JMY: variants seen among roughly 807,000 people sequenced by gnomAD.
The protein encoded by JMY is junction-mediating and -regulatory protein.
A neutral mutation model predicts 103.3 loss-of-function variants in JMY; 46 were observed. The ratio of observed to expected loss-of-function variants is 0.45; its 90% CI spans 0.35 to 0.57. The LOEUF is 0.57. Ranked by LOEUF, JMY falls within the 20% of genes least tolerant of loss-of-function variation. JMY has a pLI of 0.00. For synonymous variants in JMY, 526 were observed against 489.3 expected, an observed-to-expected ratio of 1.07 and a Z score of -0.99; for missense variants, 1,238 against 1,255.2, an observed-to-expected ratio of 0.99 and a Z score of 0.21.
At chr5:79,256,462 A>T (rs1004596288) in intron 1 of JMY, among the ~76,000 whole-genome samples, 2 of 152,092 alleles carry the variant, frequency 1.3e-5, no homozygotes, top group Admixed American at 1.3e-4. Flanking sequence ...TGGTGCCAGG[A>T]ATCAAGCAGA....
Position 79,314,631 on chromosome 5 carries a change from T to TCCCCCCCCCCCCCC in JMY, c.2444_2445insCCCCCCCCCCCCCC (p.Pro820HisfsTer73). ...CCCCTCTTCCTCCAACACCACCACC[T>TCCCCCCCCCCCCCC]CCCCCACCTCCTCCCCCTCCCCCAC... On this transcript the variant is annotated frameshift_variant, in exon 9 of 11. Coordinates refer to ENST00000396137, the MANE Select transcript of JMY (RefSeq NM_152405.5). LOFTEE classifies it high-confidence loss of function. 7 of 978,598 alleles carry TCCCCCCCCCCCCCC rather than the reference T, an allele frequency of 7.2e-6. No homozygotes were observed. The highest frequency in any genetic ancestry group is 2.6e-5 in the South Asian group (2 of 77,374). 60.6% of individuals were successfully genotyped at this position (978,598 alleles called of 1,614,324 possible).
chr5:79,300,839 G>A lies in JMY; in HGVS notation c.1857G>A (p.Lys619=). 6.3e-7 allele frequency: 1 copy of A among 1,590,968 alleles called. No homozygotes were observed. The highest frequency in any genetic ancestry group is 2.3e-5 in the East Asian group (1 of 44,272). ...LEARRGRVSA[K]KSYLRNKKEI... ...CAAGACGTGGACGGGTTTCTGCCAA[G>A]AAATCCTACCTCAGAAATAAAAAGG... Residue 619 remains lysine, a synonymous_variant, in exon 6 of 11, where the codon AAG becomes AAA. Coordinates refer to ENST00000396137, the MANE Select transcript of JMY (RefSeq NM_152405.5).
chr5:79,254,991 T>C (rs561047139), intron 1 of JMY, among the ~76,000 whole-genome samples: 30 of 152,058 alleles, frequency 2.0e-4, no homozygotes, highest in African/African-American at 7.0e-4. Context: ...TGCTTGGTTC[T>C]TTTATTTCAA....
chr5:79,236,550 G>A lies in JMY; in HGVS notation c.-101G>A, dbSNP rs1294887590. 1.0e-6 allele frequency: 1 copy of A among 981,300 alleles called. No homozygotes were observed. The highest frequency in any genetic ancestry group is 1.4e-6 in the Non-Finnish European group (1 of 740,576). The allele number at this position is 981,300 out of a possible 1,614,324, so 60.8% of individuals were successfully genotyped here. A position where few individuals can be genotyped will look rare whatever the true frequency, so the allele number is the denominator to read the frequency against. On this transcript the variant is annotated 5_prime_UTR_variant, in exon 1 of 11. Transcript: ENST00000396137. ...GGCCGGCGCACTAAGATGGCTGAAG[G>A]CGCCCGGCGAGGGTGAGCGGGGGGC...
intron 3 of JMY, 79 bp downstream of exon 3, chr5:79,290,350 TAGAA>T (rs1295555076): frequency 1.0e-6 from 1 of 990,054 alleles, no homozygotes; most frequent in Non-Finnish European, 1.4e-6. Context: ...AAAAATTACA[TAGAA>T]AAGTATATAA....
At chr5:79,307,621 T>C (rs1746925591) in intron 7 of JMY, among the ~76,000 whole-genome samples, 1 of 152,084 alleles carries the variant, frequency 6.6e-6, no homozygotes, top group Non-Finnish European at 1.5e-5. Context: ...GTTGTTTTAA[T>C]TTGCAAATCT....
At chr5:79,241,592 C>T (rs1398797114) in intron 1 of JMY, among the ~76,000 whole-genome samples, 1 of 152,044 alleles carries the variant, frequency 6.6e-6, no homozygotes, top group Non-Finnish European at 1.5e-5. Context: ...TTTAATGGGG[C>T]GTCCTGCCGA....
intron 2 of JMY, 87 bp downstream of exon 2, chr5:79,278,170 TAAAAAAA>T: frequency 1.5e-6 from 1 of 651,992 alleles, no homozygotes; most frequent in East Asian, 3.1e-5. Context: ...AGAGGAACTT[TAAAAAAA>T]AAAAAAAAAA....
At chr5:79,281,084 G>C (rs893405359) in intron 2 of JMY, among the ~76,000 whole-genome samples, 1 of 151,228 alleles carries the variant, frequency 6.6e-6, no homozygotes, top group South Asian at 2.1e-4. Flanking sequence ...TCGCTCTGTT[G>C]CCCAGGCTGG....
chr5:79,315,872 A>G lies in JMY; in HGVS notation c.2660-128A>G, dbSNP rs1227474200. On this transcript the variant is annotated intron_variant, in intron 9 of 10. Coordinates refer to ENST00000396137, the MANE Select transcript of JMY (RefSeq NM_152405.5). ...TCTGATCACCTTCTGCACACATTTC[A>G]TGATCCATTTTGAAGATGGTGTTTC... 51 of 775,440 alleles carry G rather than the reference A, an allele frequency of 6.6e-5. No homozygotes were observed. In the East Asian group the frequency reaches 1.1e-3, roughly 17 times the overall value. The allele number at this position is 775,440 out of a possible 1,614,324, so 48.0% of individuals were successfully genotyped here.
rs992782587 is a variant in JMY, at chr5:79,326,296, T to C, written c.*4694T>C. 3.3e-5 allele frequency: 5 copies of C among 151,458 alleles called. No individual in the cohort carries two copies. Among genetic ancestry groups the C allele is most frequent in the African/African-American group, 1.2e-4 (5 of 41,192 alleles). 9.4% of individuals were successfully genotyped at this position (151,458 alleles called of 1,614,324 possible). A position where few individuals can be genotyped will look rare whatever the true frequency, so the allele number is the denominator to read the frequency against. ...GTGATGTGTAGATGAAAACACAAGGTATGGATGTTGGTTACAGAGTTCAGT... is the reference window on the plus strand; with the variant it reads ...GTGATGTGTAGATGAAAACACAAGGCATGGATGTTGGTTACAGAGTTCAGT... On this transcript the variant is annotated 3_prime_UTR_variant, in exon 11 of 11. Coordinates refer to ENST00000396137, the MANE Select transcript of JMY (RefSeq NM_152405.5).
In JMY at chr5:79,237,026, C is replaced by A; in HGVS notation, c.376C>A (p.Pro126Thr). 1 of 1,501,552 alleles carries A rather than the reference C, an allele frequency of 6.7e-7. No homozygotes were observed. Among genetic ancestry groups the A allele is most frequent in the Non-Finnish European group, 8.9e-7 (1 of 1,123,456 alleles). The allele number at this position is 1,501,552 out of a possible 1,614,324, so 93.0% of individuals were successfully genotyped here. A position where few individuals can be genotyped will look rare whatever the true frequency, so the allele number is the denominator to read the frequency against. The change falls in exon 1 of 11, where the codon CCG (proline) becomes ACG (threonine). Residue 126 changes from proline to threonine, a missense_variant. Physicochemically the swap from Pro to Thr is conservative, Grantham distance 38. Coordinates refer to ENST00000396137, the MANE Select transcript of JMY (RefSeq NM_152405.5). ...GAGCACTCGCAGCCTTCTGGGGGAC[C>A]CGCGGCTGCGGAGTCCTGGCAGCAA... ...PRSTRSLLGD[P>T]RLRSPGSKGA...
intron 4 of JMY, among the ~76,000 whole-genome samples, chr5:79,293,557 C>T (rs1001689979): frequency 2.6e-5 from 4 of 152,070 alleles, no homozygotes; most frequent in African/African-American, 4.8e-5. Context: ...CTGCGTCTGG[C>T]GCTGAGTCTT....
rs1747463478 is a variant in JMY at position 79,321,878 on chromosome 5, T to A, written c.*276T>A. On this transcript the variant is annotated 3_prime_UTR_variant, in exon 11 of 11. Transcript: ENST00000396137. ...GTTTTTTAAGCACATTCTCCTTCCATCCACATATTTACATCCTTGTAATGG... is the reference window on the plus strand; with the variant it reads ...GTTTTTTAAGCACATTCTCCTTCCAACCACATATTTACATCCTTGTAATGG... The A allele has an allele frequency of 6.6e-6, 1 of 152,220 alleles. No individual in the cohort carries two copies. Among genetic ancestry groups the A allele is most frequent in the Admixed American group, 6.5e-5 (1 of 15,276 alleles). 9.4% of individuals were successfully genotyped at this position (152,220 alleles called of 1,614,324 possible).
intron 1 of JMY, among the ~76,000 whole-genome samples, chr5:79,251,625 A>AT (rs796459953): frequency 4.6e-3 from 629 of 137,768 alleles, no homozygotes; most frequent in South Asian, 0.026. Context: ...CATTCATTCT[A>AT]TTTTTTTTTT....
intron 1 of JMY, among the ~76,000 whole-genome samples, chr5:79,240,881 C>T (rs1744718677): frequency 6.6e-6 from 1 of 152,064 alleles, no homozygotes; most frequent in South Asian, 2.1e-4. Flanking sequence ...GAAGTTGTGC[C>T]ATGTTTGTGT....
At position 79,314,971 on chromosome 5, in the gene JMY, A is replaced by G. The variant is rs1580374195; in HGVS notation, c.2659+120A>G. On this transcript the variant is annotated intron_variant, in intron 9 of 10. Transcript: ENST00000396137. Reference sequence around the variant, plus strand: ...TTTTTGACATTATTTGATAGTAAACAGGTTTTCAAAGTCACACTAGAGGAG... The same window carrying G: ...TTTTTGACATTATTTGATAGTAAACGGGTTTTCAAAGTCACACTAGAGGAG... 4.4e-6 allele frequency: 4 copies of G among 903,168 alleles called. No homozygotes were observed. The East Asian group carries it at 8.3e-5, about 19-fold the overall frequency. 55.9% of individuals were successfully genotyped at this position (903,168 alleles called of 1,614,324 possible). A position where few individuals can be genotyped will look rare whatever the true frequency, so the allele number is the denominator to read the frequency against.
At chr5:79,282,353 T>G (rs1220771636) in intron 2 of JMY, among the ~76,000 whole-genome samples, 2 of 152,246 alleles carry the variant, frequency 1.3e-5, no homozygotes, top group Non-Finnish European at 2.9e-5. Flanking sequence ...TCTTTAAATC[T>G]AGATTTTAGT....
chr5:79,318,308 C>G (rs1284451944), intron 10 of JMY, among the ~76,000 whole-genome samples: 1 of 151,786 alleles, frequency 6.6e-6, no homozygotes, highest in Non-Finnish European at 1.5e-5. Flanking sequence ...AGCCACCATG[C>G]CTGGCCCAAA....
Sources: allele counts gnomAD v4.1 joint callset (sites outside exome capture counted in the v4.1 genomes callset), GRCh38; gene constraint gnomAD v4.1.1; transcripts MANE v1.5; gene names NCBI Gene and HGNC (gene_info 2026-07-23, HGNC 2026-07-21).